Variants in ITPR3 observed in about 807,000 individuals in gnomAD.
ITPR3 encodes inositol 1,4,5-trisphosphate-gated calcium channel ITPR3.
In ITPR3, 173 loss-of-function variants were observed where a neutral mutation model predicts 293.2. That is an observed-to-expected ratio of 0.59 (90% CI 0.52 to 0.67). The LOEUF (loss-of-function observed/expected upper bound fraction) is 0.67. Ranked by LOEUF, ITPR3 falls within the 30% of genes least tolerant of loss-of-function variation. The pLI is 0.00. For synonymous variants in ITPR3, 1,295 were observed against 1,444.4 expected (o/e 0.90, Z 2.35); for missense variants, 2,796 against 3,592.1 (o/e 0.78, Z 5.66).
chr6:33,645,171 T>C (rs1764036676), intron 2 of ITPR3, among the ~76,000 whole-genome samples: 1 of 151,632 alleles, frequency 6.6e-6, no homozygotes, highest in Non-Finnish European at 1.5e-5. Context: ...CCGTCTCTAC[T>C]AAAAATACAA....
chr6:33,667,420 G>A lies in ITPR3; in HGVS notation c.1713+130G>A, dbSNP rs1764639905. 2 of 1,243,166 alleles carry A rather than the reference G, an allele frequency of 1.6e-6. No homozygotes were observed. Among genetic ancestry groups the A allele is most frequent in the Non-Finnish European group, 1.1e-6 (1 of 916,578 alleles). 77.0% of individuals were successfully genotyped at this position (1,243,166 alleles called of 1,614,324 possible). On this transcript the variant is annotated intron_variant, in intron 15 of 57. Coordinates refer to ENST00000605930, the MANE Select transcript of ITPR3 (RefSeq NM_002224.4). This position sits in a 1 kb window ranked among gnomAD's most constrained non-coding sequence, Gnocchi z 4.4. Reference sequence around the variant, plus strand: ...GGTCCAGTAGGGCACCAGACAGCAGGGCCGGGTTCATGGGAATGGGACCTG... The same window carrying A: ...GGTCCAGTAGGGCACCAGACAGCAGAGCCGGGTTCATGGGAATGGGACCTG...
At chr6:33,680,246 G>A in intron 31 of ITPR3, 83 bp from the exon 32 acceptor site, 1 of 1,574,872 alleles carries the variant, frequency 6.3e-7, no homozygotes, top group Non-Finnish European at 8.6e-7. Flanking sequence ...AGGAACCGGA[G>A]GCCAGGGGAC....
At position 33,654,113 on chromosome 6, in the gene ITPR3, C is replaced by G. The variant is rs964168636; in HGVS notation, c.161-1653C>G. On this transcript the variant is annotated intron_variant, in intron 2 of 57. Transcript: ENST00000605930. This position sits in a 1 kb window ranked among gnomAD's most constrained non-coding sequence, Gnocchi z 4.1. ...CGAAACCCCGTCTCTACTAAAAATACAAAAATTAGCCAGGCATGGTGGTGC... is the reference window on the plus strand; with the variant it reads ...CGAAACCCCGTCTCTACTAAAAATAGAAAAATTAGCCAGGCATGGTGGTGC... Among the ~76,000 whole-genome samples, 1 of 151,928 alleles carries G rather than the reference C, an allele frequency of 6.6e-6. No individual in the cohort carries two copies. Among genetic ancestry groups the G allele is most frequent in the Non-Finnish European group, 1.5e-5 (1 of 67,972 alleles).
intron 30 of ITPR3, 25 bp downstream of exon 30, chr6:33,678,864 C>T (rs749651400): frequency 5.6e-6 from 9 of 1,599,336 alleles, no homozygotes; most frequent in African/African-American, 1.3e-5. Context: ...GAGGGGTGCT[C>T]AGGCATCTTG....
intron 6 of ITPR3, 89 bp downstream of exon 6, chr6:33,659,208 C>T (rs1764393066): frequency 2.4e-6 from 3 of 1,264,534 alleles, no homozygotes; most frequent in Non-Finnish European, 3.4e-6. Flanking sequence ...ATGGTCTCTG[C>T]CTCCAGCCCC....
chr6:33,667,315 C>A lies in ITPR3; in HGVS notation c.1713+25C>A. The A allele has an allele frequency of 6.2e-7, 1 of 1,605,084 alleles. No individual in the cohort carries two copies. Among genetic ancestry groups the A allele is most frequent in the Non-Finnish European group, 8.5e-7 (1 of 1,175,782 alleles). ...GGTGCGCCGCTGCCCTGCTGGCCCACTCGCTGGCTGCACGTTCCTTCCTCA... is the reference window on the plus strand; with the variant it reads ...GGTGCGCCGCTGCCCTGCTGGCCCAATCGCTGGCTGCACGTTCCTTCCTCA... On this transcript the variant is annotated intron_variant, in intron 15 of 57. Coordinates refer to ENST00000605930, the MANE Select transcript of ITPR3 (RefSeq NM_002224.4). The surrounding 1 kb of genome is among the most constrained non-coding windows in gnomAD (Gnocchi z 4.4).
In ITPR3 at chr6:33,675,154, G is replaced by T. The variant is rs1158106355; in HGVS notation, c.3117-537G>T. Among the ~76,000 whole-genome samples, 1 of 152,166 alleles carries T rather than the reference G, an allele frequency of 6.6e-6. No homozygotes were observed. Among genetic ancestry groups the T allele is most frequent in the Non-Finnish European group, 1.5e-5 (1 of 68,022 alleles). On this transcript the variant is annotated intron_variant, in intron 24 of 57. Transcript: ENST00000605930. The surrounding 1 kb of genome is among the most constrained non-coding windows in gnomAD (Gnocchi z 5.0). Reference sequence around the variant, plus strand: ...TCCTTGTTTCTGGCTAGGTGTGGTCGCTCATGCTTGTAATCCCAGCACTTT... The same window carrying T: ...TCCTTGTTTCTGGCTAGGTGTGGTCTCTCATGCTTGTAATCCCAGCACTTT...
Position 33,621,354 on chromosome 6 carries a change from C to CGCGGGCCGGGCGGGGCGG in ITPR3, c.-242_-225dup, listed in dbSNP as rs1763429650. 3 of 221,214 alleles carry CGCGGGCCGGGCGGGGCGG rather than the reference C, an allele frequency of 1.4e-5. No individual in the cohort carries two copies. The highest frequency in any genetic ancestry group is 3.9e-4 in the South Asian group (2 of 5,118). 13.7% of individuals were successfully genotyped at this position (221,214 alleles called of 1,614,324 possible). ...CTGCTCCTTCTACGCTGCAGGTACG[C>CGCGGGCCGGGCGGGGCGG]GCGGGCCGGGCGGGGCGGGCGGGCG... On this transcript the variant is annotated 5_prime_UTR_variant, in exon 1 of 58. Transcript: ENST00000605930. This position sits in a 1 kb window ranked among gnomAD's most constrained non-coding sequence, Gnocchi z 7.7.
In ITPR3 at chr6:33,666,868, G is replaced by T. The variant is rs1333244723; in HGVS notation, c.1552-261G>T. ...CCGAGACCCTCTGCTCCTCCCCCAG[G>T]CCCCAGATCTGAGCTGGGATTAGAA... On this transcript the variant is annotated intron_variant, in intron 14 of 57. Coordinates refer to ENST00000605930, the MANE Select transcript of ITPR3 (RefSeq NM_002224.4). This position sits in a 1 kb window ranked among gnomAD's most constrained non-coding sequence, Gnocchi z 5.1. 6.6e-6 allele frequency among the ~76,000 whole-genome samples: 1 copy of T among 152,126 alleles called. No homozygotes were observed. The highest frequency in any genetic ancestry group is 1.5e-5 in the Non-Finnish European group (1 of 68,036).
intron 56 of ITPR3, 186 bp from the exon 57 acceptor site, chr6:33,694,738 G>A: frequency 3.0e-6 from 2 of 669,260 alleles, no homozygotes; most frequent in Non-Finnish European, 5.0e-6. Flanking sequence ...TTGACAAGAG[G>A]GTTGACTGCC....
Position 33,670,523 on chromosome 6 carries a change from G to C in ITPR3, c.2388G>C (p.Pro796=). The part of the protein sequence containing the change: ...VDRDPQELVT[P]VKFARLWTEI... ...GTGACCCCCAGGAGCTGGTCACGCC[G>C]GTCAAGTTTGCCCGTCTCTGGACTG... The change falls in exon 19 of 58, where the codon CCG becomes CCC. Residue 796 remains proline, a synonymous_variant. Transcript: ENST00000605930. This position sits in a 1 kb window ranked among gnomAD's most constrained non-coding sequence, Gnocchi z 6.7. 1.9e-6 allele frequency: 3 copies of C among 1,613,708 alleles called. No homozygotes were observed.
Position 33,682,231 on chromosome 6 carries a change from C to A in ITPR3, c.4477-293C>A, listed in dbSNP as rs1050560727. On this transcript the variant is annotated intron_variant, in intron 33 of 57. Transcript: ENST00000605930. This position sits in a 1 kb window ranked among gnomAD's most constrained non-coding sequence, Gnocchi z 5.4. ...CTTTTGGTTTTTCAACCATGTAAAT[C>A]CATCACCTTTTTATGACATTAATTT... Among the ~76,000 whole-genome samples, 5 of 152,192 alleles carry A rather than the reference C, an allele frequency of 3.3e-5. No homozygotes were observed. The highest frequency in any genetic ancestry group is 3.3e-4 in the Admixed American group (5 of 15,274).
chr6:33,664,991 G>A lies in ITPR3; in HGVS notation c.1248+22G>A. On this transcript the variant is annotated intron_variant, in intron 12 of 57. Transcript: ENST00000605930. This position sits in a 1 kb window ranked among gnomAD's most constrained non-coding sequence, Gnocchi z 4.4. The stretch of plus-strand genomic sequence containing the variant: ...CATGGTGCGTGTCCCTGGGGTGGGG[G>A]TGGGGCTGGGGCCAGGGCCGGAGCT... 1 of 1,613,000 alleles carries A rather than the reference G, an allele frequency of 6.2e-7. No homozygotes were observed. Among genetic ancestry groups the A allele is most frequent in the African/African-American group, 1.3e-5 (1 of 74,984 alleles).
chr6:33,695,168 C>A, intron 57 of ITPR3, 83 bp downstream of exon 57: 1 of 1,469,422 alleles, frequency 6.8e-7, no homozygotes, highest in Non-Finnish European at 9.3e-7. Context: ...CCTGACCCAC[C>A]CTCTTCCCCA....
intron 57 of ITPR3, 100 bp downstream of exon 57, chr6:33,695,185 T>C: frequency 1.4e-5 from 19 of 1,330,462 alleles, no homozygotes; most frequent in Non-Finnish European, 2.0e-5. Flanking sequence ...CCCACTGGCC[T>C]CTGGCCCTGG....
chr6:33,680,007 T>C lies in ITPR3; in HGVS notation c.4098T>C (p.Ile1366=). 2 of 1,613,900 alleles carry C rather than the reference T, an allele frequency of 1.2e-6. No homozygotes were observed. The highest frequency in any genetic ancestry group is 1.7e-6 in the Non-Finnish European group (2 of 1,180,024). The change falls in exon 31 of 58, where the codon ATT becomes ATC. Residue 1366 remains isoleucine (I), a synonymous_variant. Coordinates refer to ENST00000605930, the MANE Select transcript of ITPR3 (RefSeq NM_002224.4). ...VEDHSPLMYH[I]SLVDLLAACA... is the part of the protein sequence containing the mutation. The stretch of plus-strand genomic sequence containing the variant: ...ACCACAGCCCCCTCATGTACCACAT[T>C]TCCCTGGTGGACCTGCTGGCCGCCT...
chr6:33,686,971 T>C (rs368461611), intron 43 of ITPR3, 38 bp from the exon 44 acceptor site: 6 of 1,532,740 alleles, frequency 3.9e-6, no homozygotes, highest in East Asian at 4.5e-5. Context: ...CATGGTGTCC[T>C]GAGACTGTGG....
At chr6:33,693,425 G>T in intron 55 of ITPR3, 120 bp from the exon 56 acceptor site, 1 of 975,360 alleles carries the variant, frequency 1.0e-6, no homozygotes, top group Non-Finnish European at 1.6e-6. Context: ...GCGAGCTGTT[G>T]GAAGCGCTCA....
At chr6:33,694,829 T>C in intron 56 of ITPR3, 95 bp from the exon 57 acceptor site, 1 of 1,469,478 alleles carries the variant, frequency 6.8e-7, no homozygotes. Context: ...TTGTTAAGGG[T>C]GTGGCAGAAG....
Sources: allele counts gnomAD v4.1 joint callset (sites outside exome capture counted in the v4.1 genomes callset), GRCh38; gene constraint gnomAD v4.1.1; non-coding constraint Gnocchi (gnomAD v3.1); transcripts MANE v1.5; gene names NCBI Gene and HGNC (gene_info 2026-07-23, HGNC 2026-07-21).